GRIN2B: variants seen among roughly 807,000 people sequenced by gnomAD.
The protein encoded by GRIN2B is glutamate receptor ionotropic, NMDA 2B.
A neutral mutation model predicts 114.5 loss-of-function variants in GRIN2B; 5 were observed. The ratio of observed to expected loss-of-function variants is 0.04; its 90% CI spans 0.02 to 0.09. The LOEUF (loss-of-function observed/expected upper bound fraction) is 0.09. Ranked by LOEUF, GRIN2B falls within the 10% of genes least tolerant of loss-of-function variation. GRIN2B has a pLI of 1.00. For missense variants in GRIN2B, 1,108 were observed against 1,943.5 expected (o/e 0.57, Z 8.08); for synonymous variants, 787 against 745.1 (o/e 1.06, Z -0.92).
intron 3 of GRIN2B, among the ~76,000 whole-genome samples, chr12:13,765,682 C>T (rs1241786383): frequency 6.6e-6 from 1 of 152,228 alleles, no homozygotes; most frequent in East Asian, 1.9e-4. Flanking sequence ...AGGCTCCATG[C>T]TGTCCATGCA....
At chr12:13,909,296 C>G (rs368350162) in intron 2 of GRIN2B, among the ~76,000 whole-genome samples, 1 of 152,236 alleles carries the variant, frequency 6.6e-6, no homozygotes, top group Non-Finnish European at 1.5e-5. Flanking sequence ...AAGATGAACA[C>G]TACCATTCAT....
chr12:13,726,532 C>CA (rs1329851489), intron 4 of GRIN2B, among the ~76,000 whole-genome samples: 66 of 138,656 alleles, frequency 4.8e-4, no homozygotes, highest in African/African-American at 1.5e-3. Flanking sequence ...GAGACTCTGT[C>CA]AAAAAAAAGA....
chr12:13,748,020 A>G (rs117227894), intron 4 of GRIN2B, among the ~76,000 whole-genome samples: 5,958 of 152,294 alleles, frequency 0.039, 181 homozygotes, highest in Middle Eastern at 0.065. Flanking sequence ...TCTTTCATTA[A>G]GAACCTAAGA....
chr12:13,897,083 A>G (rs1866366488), intron 2 of GRIN2B, among the ~76,000 whole-genome samples: 1 of 152,120 alleles, frequency 6.6e-6, no homozygotes, highest in Non-Finnish European at 1.5e-5. Flanking sequence ...GCCCTTTTCA[A>G]TTACCCTAAA....
chr12:13,569,201 G>T (rs984489332), intron 12 of GRIN2B, among the ~76,000 whole-genome samples: 1 of 152,098 alleles, frequency 6.6e-6, no homozygotes, highest in African/African-American at 2.4e-5. Context: ...CCATCTTTCA[G>T]CTTGTTATGG....
chr12:13,802,491 T>C (rs1327298121), intron 3 of GRIN2B, among the ~76,000 whole-genome samples: 3 of 152,130 alleles, frequency 2.0e-5, no homozygotes, highest in Non-Finnish European at 4.4e-5. Flanking sequence ...TAATTTAGGA[T>C]AGACAAAAAG....
intron 2 of GRIN2B, among the ~76,000 whole-genome samples, chr12:13,962,840 G>C (rs1262420440): frequency 1.3e-5 from 2 of 152,196 alleles, no homozygotes; most frequent in African/African-American, 4.8e-5. Flanking sequence ...TGCCAAAATT[G>C]CTGCCACCTC....
intron 4 of GRIN2B, among the ~76,000 whole-genome samples, chr12:13,696,604 C>T (rs1950261641): frequency 1.3e-5 from 2 of 152,130 alleles, no homozygotes; most frequent in Non-Finnish European, 1.5e-5. Flanking sequence ...CAGACCTATG[C>T]TGAATGAGAA....
chr12:13,878,411 G>A (rs1350316336), intron 2 of GRIN2B, among the ~76,000 whole-genome samples: 2 of 152,194 alleles, frequency 1.3e-5, no homozygotes, highest in African/African-American at 4.8e-5. Flanking sequence ...CACGGGTGGT[G>A]GTAGCTACAC....
intron 3 of GRIN2B, among the ~76,000 whole-genome samples, chr12:13,762,157 C>A (rs1430292840): frequency 1.3e-5 from 2 of 152,122 alleles, no homozygotes; most frequent in Admixed American, 6.5e-5. Flanking sequence ...GCGCCCGCCA[C>A]CACGACCGGC....
At chr12:13,764,218 G>T (rs773864030) in intron 3 of GRIN2B, among the ~76,000 whole-genome samples, 30 of 149,514 alleles carry the variant, frequency 2.0e-4, no homozygotes, top group African/African-American at 7.1e-4. Context: ...AGTTTAGAAC[G>T]TACAGAATGC....
At chr12:13,695,346 G>A (rs1950250995) in intron 4 of GRIN2B, among the ~76,000 whole-genome samples, 1 of 152,176 alleles carries the variant, frequency 6.6e-6, no homozygotes, top group South Asian at 2.1e-4. Context: ...AGGCAGCAAA[G>A]CTGAGGAGAG....
At chr12:13,636,267 G>C (rs2193156) in intron 5 of GRIN2B, among the ~76,000 whole-genome samples, 11,489 of 152,226 alleles carry the variant, frequency 0.075, 457 homozygotes, top group Non-Finnish European at 0.089. Context: ...GAGAACCTTG[G>C]GGGAACCAAG....
At chr12:13,788,281 G>A (rs953338292) in intron 3 of GRIN2B, among the ~76,000 whole-genome samples, 26 of 152,290 alleles carry the variant, frequency 1.7e-4, no homozygotes, top group African/African-American at 5.8e-4. Flanking sequence ...CAGAACATTA[G>A]AAGGGCCACT....
intron 3 of GRIN2B, among the ~76,000 whole-genome samples, chr12:13,846,259 T>C (rs998137681): frequency 1.1e-4 from 17 of 152,180 alleles, no homozygotes; most frequent in Non-Finnish European, 1.5e-4. Context: ...TTCAACCCTA[T>C]GGAGTACTCC....
At position 13,970,337 on chromosome 12, in the gene GRIN2B, C is replaced by A. The variant is rs575156961; in HGVS notation, c.-19+9591G>T. 2.4e-3 allele frequency among the ~76,000 whole-genome samples: 365 copies of A among 152,314 alleles called. 1 individual carries two copies. The highest frequency in any genetic ancestry group is 8.4e-3 in the African/African-American group (348 of 41,556). ...CTAAGGAATGAGTATATTTTCACTT[C>A]ATCAGCCTAAAGCTGGCACTAAAGA... On this transcript the variant is annotated intron_variant, in intron 2 of 13. Coordinates refer to ENST00000609686, the MANE Select transcript of GRIN2B (RefSeq NM_000834.5).
intron 3 of GRIN2B, among the ~76,000 whole-genome samples, chr12:13,824,308 A>C (rs1160016190): frequency 6.6e-6 from 1 of 152,358 alleles, no homozygotes; most frequent in East Asian, 1.9e-4. Context: ...TTTGATATAT[A>C]AAGAATGACT....
In GRIN2B at chr12:13,655,322, C is replaced by A. The variant is rs530548530; in HGVS notation, c.1125+20423G>T. On this transcript the variant is annotated intron_variant, in intron 5 of 13. Transcript: ENST00000609686. Reference sequence around the variant, plus strand: ...CTCATCCCAGAATAGAACCACCCAGCCCAACCAGTCATGATGATACTCAAG... The same window carrying A: ...CTCATCCCAGAATAGAACCACCCAGACCAACCAGTCATGATGATACTCAAG... 9.7e-4 allele frequency among the ~76,000 whole-genome samples: 147 copies of A among 152,290 alleles called. 1 individual carries two copies. Among genetic ancestry groups the A allele is most frequent in the African/African-American group, 3.1e-3 (130 of 41,574 alleles).
intron 2 of GRIN2B, among the ~76,000 whole-genome samples, chr12:13,910,679 T>C (rs1338360844): frequency 6.6e-6 from 1 of 152,194 alleles, no homozygotes; most frequent in Non-Finnish European, 1.5e-5. Flanking sequence ...TGTTATAAAA[T>C]ATAAACCTCA....
Sources: gnomAD v4.1 joint callset for allele counts (sites outside exome capture counted in the v4.1 genomes callset) on GRCh38, gnomAD v4.1.1 for gene constraint, MANE v1.5 for transcripts, NCBI Gene and HGNC (gene_info 2026-07-23, HGNC 2026-07-21) for gene names.